Variants in CRACD observed in about 807,000 individuals in gnomAD.
CRACD encodes the protein capping protein-inhibiting regulator of actin dynamics.
CRACD carries 56 observed loss-of-function variants against 106.8 expected under a neutral mutation model. The ratio of observed to expected loss-of-function variants is 0.52; its 90% CI spans 0.42 to 0.66. The LOEUF is 0.66. CRACD is among the 30% of genes least tolerant of loss of function. The pLI, the probability that CRACD is intolerant of heterozygous loss-of-function variation, is 0.00. For missense variants in CRACD, 1,730 were observed against 1,623.2 expected (o/e 1.07, Z -1.13); for synonymous variants, 754 against 670.8 (o/e 1.12, Z -1.92).
chr4:56,118,628 G>A (rs1734379894), intron 1 of CRACD, among the ~76,000 whole-genome samples: 1 of 152,222 alleles, frequency 6.6e-6, no homozygotes. Context: ...GCCAGGTGCA[G>A]TGGTTTCTAC....
chr4:56,216,705 G>T (rs1209815319), intron 2 of CRACD, among the ~76,000 whole-genome samples: 3 of 152,160 alleles, frequency 2.0e-5, no homozygotes, highest in Non-Finnish European at 4.4e-5. Context: ...GTCAGGCCGG[G>T]CGCGGTGGCT....
intron 1 of CRACD, among the ~76,000 whole-genome samples, chr4:56,051,033 T>TAG (rs1255840024): frequency 6.6e-6 from 1 of 152,226 alleles, no homozygotes; most frequent in Non-Finnish European, 1.5e-5. Context: ...TTATTATCGC[T>TAG]AGATGAGGAA....
chr4:56,316,668 A>G lies in CRACD; in HGVS notation c.3166A>G (p.Thr1056Ala). 1.2e-6 allele frequency: 2 copies of G among 1,611,130 alleles called. No homozygotes were observed. The change falls in exon 8 of 11, where the codon ACA becomes GCA. Residue 1056 changes from threonine to alanine, a missense_variant. By Grantham distance (58) the Thr-to-Ala change is moderately conservative. Around this residue, in one of 5 missense-constraint regions of CRACD, gnomAD observed 1,620 missense variants for 1,481.6 expected, o/e 1.09. Coordinates refer to ENST00000682029, the MANE Select transcript of CRACD (RefSeq NM_001393381.1). ...PATQQEKPSQTPEAGRKEKPM... is the reference protein window; with the variant it reads ...PATQQEKPSQAPEAGRKEKPM... ...CACTCAGCAAGAGAAACCTTCTCAA[A>G]CACCCGAGGCCGGGAGGAAAGGTAG...
chr4:56,180,921 A>G (rs1321780806), intron 2 of CRACD, among the ~76,000 whole-genome samples: 1 of 152,032 alleles, frequency 6.6e-6, no homozygotes, highest in Non-Finnish European at 1.5e-5. Flanking sequence ...GAAGCTTTTA[A>G]TTTTTTTCTA....
intron 1 of CRACD, among the ~76,000 whole-genome samples, chr4:56,105,734 G>A (rs1316220611): frequency 1.3e-5 from 2 of 151,992 alleles, no homozygotes; most frequent in Non-Finnish European, 2.9e-5. Context: ...TAATAGCTTT[G>A]TTTTCCATCA....
chr4:56,318,933 T>A (rs559964109), intron 8 of CRACD, among the ~76,000 whole-genome samples: 3 of 152,210 alleles, frequency 2.0e-5, no homozygotes, highest in African/African-American at 7.2e-5. Flanking sequence ...ATGGTGCTAT[T>A]TTTTATTCTC....
chr4:56,222,242 T>A (rs2109515294), intron 2 of CRACD, among the ~76,000 whole-genome samples: 1 of 152,336 alleles, frequency 6.6e-6, no homozygotes, highest in Non-Finnish European at 1.5e-5. Flanking sequence ...TCTTTTGCAA[T>A]GACTTGGATG....
chr4:56,226,457 C>T (rs1002466565), intron 2 of CRACD, among the ~76,000 whole-genome samples: 6 of 152,100 alleles, frequency 3.9e-5, no homozygotes, highest in Non-Finnish European at 8.8e-5. Flanking sequence ...CAATTAACCT[C>T]CATTCCTTAG....
rs761210862 is a variant in CRACD, at chr4:56,327,675, G to A, written c.3573G>A (p.Pro1191=). 2.0e-5 allele frequency: 32 copies of A among 1,604,258 alleles called. No homozygotes were observed. Among genetic ancestry groups the A allele is most frequent in the Middle Eastern group, 1.7e-4 (1 of 6,044 alleles). ...TCTCCGACTCGGCTCCCCCAGCGCC[G>A]CTGGTAAAAGAAGTCACCAAGAGGT... is the stretch of plus-strand genomic sequence containing the variant. The part of the protein sequence containing the change: ...VEISDSAPPA[P]LVKEVTKRFS... The change falls in exon 11 of 11, where the codon CCG becomes CCA. Residue 1191 remains proline (P), a synonymous_variant. Transcript: ENST00000682029.
At chr4:56,151,449 A>G (rs1735575808) in intron 1 of CRACD, among the ~76,000 whole-genome samples, 1 of 152,128 alleles carries the variant, frequency 6.6e-6, no homozygotes, top group South Asian at 2.1e-4. Flanking sequence ...TACAATACAA[A>G]TAATGTTTTT....
chr4:56,163,188 C>T (rs975714638), intron 1 of CRACD, among the ~76,000 whole-genome samples: 2 of 151,916 alleles, frequency 1.3e-5, no homozygotes, highest in African/African-American at 4.8e-5. Context: ...TCTCTGCCTT[C>T]GAGACGTTCC....
chr4:56,240,891 C>G (rs376011142), intron 2 of CRACD, among the ~76,000 whole-genome samples: 1 of 152,186 alleles, frequency 6.6e-6, no homozygotes, highest in Non-Finnish European at 1.5e-5. Context: ...TGCTGCACCC[C>G]CAAGAGTTCC....
At chr4:56,167,156 A>T (rs573724293) in intron 1 of CRACD, among the ~76,000 whole-genome samples, 1 of 152,330 alleles carries the variant, frequency 6.6e-6, no homozygotes, top group Non-Finnish European at 1.5e-5. Flanking sequence ...GTTTACCTTT[A>T]TTATACAATT....
intron 3 of CRACD, 92 bp from the exon 4 acceptor site, chr4:56,298,121 TG>T (rs1744153465): frequency 1.5e-6 from 2 of 1,353,746 alleles, no homozygotes; most frequent in African/African-American, 1.4e-5. Context: ...ACTGGGAATG[TG>T]GGTGGAGTCC....
At chr4:56,224,543 C>T (rs1182474796) in intron 2 of CRACD, among the ~76,000 whole-genome samples, 2 of 151,968 alleles carry the variant, frequency 1.3e-5, no homozygotes, top group Non-Finnish European at 2.9e-5. Context: ...AAATTAAAAC[C>T]ACAGGGAGGT....
intron 2 of CRACD, among the ~76,000 whole-genome samples, chr4:56,228,488 A>T (rs894262811): frequency 2.0e-5 from 3 of 151,638 alleles, no homozygotes; most frequent in African/African-American, 7.3e-5. Context: ...GTCGGCCAGG[A>T]TGGTAGCTCA....
chr4:56,187,298 C>T (rs1055579803), intron 2 of CRACD, among the ~76,000 whole-genome samples: 7 of 152,038 alleles, frequency 4.6e-5, no homozygotes, highest in Admixed American at 1.3e-4. Flanking sequence ...AGGGAGCCTG[C>T]GGGCCTCCCA....
intron 8 of CRACD, among the ~76,000 whole-genome samples, chr4:56,319,917 T>C (rs1273255336): frequency 6.6e-6 from 1 of 152,136 alleles, no homozygotes; most frequent in Non-Finnish European, 1.5e-5. Context: ...CTCACACCTA[T>C]AATCCCACAG....
In CRACD at chr4:56,328,423, T is replaced by G; in HGVS notation, c.*619T>G. ...CCAGAAGGCACATCCATTCACATTT[T>G]TACCGCACTGTGGATTCATAGTGTG... On this transcript the variant is annotated 3_prime_UTR_variant, in exon 11 of 11. Transcript: ENST00000682029. 5.8e-6 allele frequency: 3 copies of G among 518,552 alleles called. No individual in the cohort carries two copies. The highest frequency in any genetic ancestry group is 1.2e-5 in the Non-Finnish European group (3 of 259,678). 32.1% of individuals were successfully genotyped at this position (518,552 alleles called of 1,614,324 possible).
Sources: gnomAD v4.1 joint callset for allele counts (sites outside exome capture counted in the v4.1 genomes callset) on GRCh38, gnomAD v4.1.1 for gene constraint, gnomAD v4.1.1 regional missense constraint, MANE v1.5 for transcripts, NCBI Gene and HGNC (gene_info 2026-07-23, HGNC 2026-07-21) for gene names.